ASNS: variants seen among roughly 807,000 people sequenced by gnomAD.
ASNS encodes the protein asparagine synthetase (glutamine-hydrolyzing).
ASNS carries 37 observed loss-of-function variants against 62.6 expected under a neutral mutation model. The observed-to-expected ratio is 0.59, with a 90% CI of 0.45 to 0.78. The LOEUF is 0.78. Among genes scored for constraint, ASNS ranks in the 30% least tolerant of loss-of-function variants. The pLI is 0.00. For synonymous variants in ASNS, 207 were observed against 237.9 expected, an observed-to-expected ratio of 0.87 and a Z score of 1.19; for missense variants, 520 against 682.4, an observed-to-expected ratio of 0.76 and a Z score of 2.65.
At chr7:97,896,360 G>A in the ASNS span, among the ~76,000 whole-genome samples, 1 of 151,478 alleles carries the variant, frequency 6.6e-6, no homozygotes, top group South Asian at 2.1e-4. Flanking sequence ...AGGCCAAGGC[G>A]GGTGGATCAC....
the ASNS span, among the ~76,000 whole-genome samples, chr7:97,884,412 G>A: frequency 3.3e-5 from 5 of 152,100 alleles, no homozygotes; most frequent in Non-Finnish European, 7.4e-5. Flanking sequence ...AGCCAGGTGT[G>A]GTGGATGGCA....
the ASNS span, among the ~76,000 whole-genome samples, chr7:97,896,709 T>C: frequency 0.1 from 3,756 of 36,286 alleles, 155 homozygotes; most frequent in Non-Finnish European, 0.15. Flanking sequence ...TGTGTATATA[T>C]ATACACACAC....
chr7:97,858,827 T>C (rs1413722191), intron 6 of ASNS, 27 bp downstream of exon 6: 5 of 1,562,312 alleles, frequency 3.2e-6, no homozygotes, highest in Non-Finnish European at 4.3e-6. Flanking sequence ...ACATGAAATA[T>C]AATTAGGTTT....
At chr7:97,917,750 G>A in the ASNS span, among the ~76,000 whole-genome samples, 1,744 of 152,260 alleles carry the variant, frequency 0.011, 30 homozygotes, top group African/African-American at 0.04. Context: ...GGTGGCTCTG[G>A]GCTTGGCACT....
At chr7:97,907,362 T>A in the ASNS span, among the ~76,000 whole-genome samples, 1 of 152,202 alleles carries the variant, frequency 6.6e-6, no homozygotes, top group Admixed American at 6.5e-5. Flanking sequence ...ATAAAAGAAG[T>A]CTTCTTTGAG....
chr7:97,927,071 CTTTTTTTTTT>C, the ASNS span, among the ~76,000 whole-genome samples: 58 of 40,534 alleles, frequency 1.4e-3, no homozygotes, highest in African/African-American at 3.9e-3. Context: ...CCACACCTGG[CTTTTTTTTTT>C]TTTTTTTTTT....
the ASNS span, among the ~76,000 whole-genome samples, chr7:97,881,057 C>T: frequency 1.3e-4 from 20 of 152,214 alleles, no homozygotes; most frequent in African/African-American, 4.8e-4. Flanking sequence ...TTTCCTACCT[C>T]AGCCTCCCAA....
chr7:97,880,709 G>C, the ASNS span, among the ~76,000 whole-genome samples: 1 of 152,184 alleles, frequency 6.6e-6, no homozygotes, highest in Non-Finnish European at 1.5e-5. Context: ...CCAAAGATGT[G>C]AAGGGAAACA....
upstream of ASNS, among the ~76,000 whole-genome samples, chr7:97,877,399 A>G (rs1411904350): frequency 6.6e-6 from 1 of 152,048 alleles, no homozygotes; most frequent in African/African-American, 2.4e-5. Context: ...GGCCCATTTA[A>G]CTTCTATATT....
chr7:97,914,852 C>T, the ASNS span, among the ~76,000 whole-genome samples: 4 of 152,268 alleles, frequency 2.6e-5, no homozygotes, highest in African/African-American at 7.2e-5. Context: ...CCAGAACAAG[C>T]TGGCTGGGGG....
At chr7:97,875,618 C>G (rs1186573731), upstream of ASNS, among the ~76,000 whole-genome samples, 2 of 152,210 alleles carry the variant, frequency 1.3e-5, no homozygotes, top group Non-Finnish European at 2.9e-5. Flanking sequence ...CTTAACACTT[C>G]CACCTGGAGG....
intron 9 of ASNS, 48 bp from the exon 10 acceptor site, chr7:97,854,728 G>T (rs1791353407): frequency 6.2e-7 from 1 of 1,612,156 alleles, no homozygotes; most frequent in African/African-American, 1.3e-5. Flanking sequence ...GGCACACAAA[G>T]CAGTTTTTCT....
At chr7:97,900,712 G>GA in the ASNS span, among the ~76,000 whole-genome samples, 7 of 152,026 alleles carry the variant, frequency 4.6e-5, no homozygotes, top group Non-Finnish European at 8.8e-5. Flanking sequence ...CAGTTGCTCA[G>GA]AAAAAAAATC....
At chr7:97,890,530 G>A in the ASNS span, among the ~76,000 whole-genome samples, 1 of 152,076 alleles carries the variant, frequency 6.6e-6, no homozygotes, top group Non-Finnish European at 1.5e-5. Flanking sequence ...TATACTACAA[G>A]TAAAATAAAA....
the ASNS span, among the ~76,000 whole-genome samples, chr7:97,925,281 T>C: frequency 6.6e-6 from 1 of 151,834 alleles, no homozygotes; most frequent in Admixed American, 6.6e-5. Flanking sequence ...GTCCCTGGAG[T>C]AGTATTAATT....
intron 3 of ASNS, 77 bp from the exon 4 acceptor site, chr7:97,864,573 C>T: frequency 9.9e-7 from 1 of 1,011,834 alleles, no homozygotes; most frequent in Non-Finnish European, 1.5e-6. Flanking sequence ...AAAGATGCTT[C>T]AGTATTTCTG....
intron 7 of ASNS, among the ~76,000 whole-genome samples, chr7:97,857,789 ACTTT>A (rs1248669698): frequency 6.6e-6 from 1 of 151,128 alleles, no homozygotes; most frequent in Non-Finnish European, 1.5e-5. Context: ...TTATGCCTTT[ACTTT>A]CTTTTTTTTT....
At chr7:97,895,100 A>G in the ASNS span, among the ~76,000 whole-genome samples, 1 of 152,272 alleles carries the variant, frequency 6.6e-6, no homozygotes, top group Non-Finnish European at 1.5e-5. Flanking sequence ...ACATCACATC[A>G]ACAAGATGAA....
At chr7:97,854,486 T>A in intron 10 of ASNS, 94 bp downstream of exon 10, 1 of 1,474,290 alleles carries the variant, frequency 6.8e-7, no homozygotes, top group Non-Finnish European at 9.2e-7. Flanking sequence ...AATCAGCTAT[T>A]GATTTTTATT....
Sources: gnomAD v4.1 joint callset for allele counts (sites outside exome capture counted in the v4.1 genomes callset) on GRCh38, gnomAD v4.1.1 for gene constraint, MANE v1.5 for transcripts, NCBI Gene and HGNC (gene_info 2026-07-23, HGNC 2026-07-21) for gene names.